PDE4B: variants seen among roughly 807,000 people sequenced by gnomAD.
The protein encoded by PDE4B is phosphodiesterase 4B, also known as 3',5'-cyclic-AMP phosphodiesterase 4B.
A neutral mutation model predicts 82.2 loss-of-function variants in PDE4B; 20 were observed. The ratio of observed to expected loss-of-function variants is 0.24; its 90% CI spans 0.17 to 0.35. The LOEUF is 0.35. PDE4B is among the 10% of genes least tolerant of loss of function. The pLI is 1.00. For missense variants in PDE4B, 655 were observed against 907.2 expected (o/e 0.72, Z 3.57); for synonymous variants, 320 against 318.9 (o/e 1.00, Z -0.04).
intron 3 of PDE4B, among the ~76,000 whole-genome samples, chr1:66,044,744 T>C (rs900967099): frequency 2.1e-4 from 32 of 151,734 alleles, no homozygotes; most frequent in African/African-American, 7.7e-4. Context: ...AGAAAAAGAA[T>C]TTATTTTTAG....
intron 6 of PDE4B, among the ~76,000 whole-genome samples, chr1:66,262,531 A>G (rs1485157459): frequency 6.6e-6 from 1 of 152,224 alleles, no homozygotes; most frequent in Non-Finnish European, 1.5e-5. Flanking sequence ...TTATATCACC[A>G]TCTTCAGCAA....
At chr1:66,108,474 C>T (rs1645417661) in intron 3 of PDE4B, among the ~76,000 whole-genome samples, 1 of 151,994 alleles carries the variant, frequency 6.6e-6, no homozygotes, top group African/African-American at 2.4e-5. Context: ...AAAGCTTCTG[C>T]ACAGCAAAGG....
chr1:65,923,198 G>A (rs955521615), intron 3 of PDE4B, among the ~76,000 whole-genome samples: 3 of 152,202 alleles, frequency 2.0e-5, no homozygotes, highest in African/African-American at 7.2e-5. Context: ...AAAGGCTGTA[G>A]TTTCTTCAGG....
intron 7 of PDE4B, among the ~76,000 whole-genome samples, chr1:66,285,651 C>G (rs1656624416): frequency 6.6e-6 from 1 of 152,080 alleles, no homozygotes; most frequent in South Asian, 2.1e-4. Flanking sequence ...CAGTTCCACT[C>G]ATGTTGCTGT....
At chr1:66,138,735 A>G (rs994938688) in intron 3 of PDE4B, among the ~76,000 whole-genome samples, 4 of 152,212 alleles carry the variant, frequency 2.6e-5, no homozygotes, top group Non-Finnish European at 4.4e-5. Context: ...CTTATCATTT[A>G]TGTGCACATA....
chr1:66,300,735 C>T (rs1657829523), intron 7 of PDE4B, among the ~76,000 whole-genome samples: 1 of 152,120 alleles, frequency 6.6e-6, no homozygotes, highest in Non-Finnish European at 1.5e-5. Context: ...TTTGATTTCC[C>T]AGAGGGTCTG....
At chr1:66,326,311 T>C (rs935534724) in intron 7 of PDE4B, among the ~76,000 whole-genome samples, 5 of 152,186 alleles carry the variant, frequency 3.3e-5, no homozygotes, top group African/African-American at 4.8e-5. Flanking sequence ...AACATACCTA[T>C]GTAACCAGTT....
intron 3 of PDE4B, among the ~76,000 whole-genome samples, chr1:66,223,350 A>G (rs906925338): frequency 6.6e-6 from 1 of 152,150 alleles, no homozygotes; most frequent in African/African-American, 2.4e-5. Flanking sequence ...GACCTTAAGG[A>G]AAAGGCTGTA....
intron 1 of PDE4B, among the ~76,000 whole-genome samples, chr1:65,910,152 T>C (rs764425090): frequency 1.3e-5 from 2 of 152,326 alleles, no homozygotes; most frequent in Non-Finnish European, 1.5e-5. Flanking sequence ...TTTTATGACA[T>C]AATTGAAATC....
chr1:66,014,162 G>A (rs1250859606), intron 3 of PDE4B, among the ~76,000 whole-genome samples: 3 of 152,068 alleles, frequency 2.0e-5, no homozygotes, highest in Non-Finnish European at 2.9e-5. Context: ...TTGTTGAGTT[G>A]TAGGAATTCT....
At chr1:65,808,179 TTTTTTTTTTTG>T (rs1645778310) in intron 1 of PDE4B, among the ~76,000 whole-genome samples, 1 of 151,272 alleles carries the variant, frequency 6.6e-6, no homozygotes, top group South Asian at 2.1e-4. Context: ...CTTTTTTTTT[TTTTTTTTTTTG>T]AAGCAGACTC....
intron 3 of PDE4B, among the ~76,000 whole-genome samples, chr1:66,130,673 G>T (rs967556109): frequency 6.6e-6 from 1 of 152,234 alleles, no homozygotes; most frequent in East Asian, 1.9e-4. Context: ...ACTGATTTAT[G>T]TAGGCTATAC....
At chr1:65,801,725 G>C (rs1356843762) in intron 1 of PDE4B, among the ~76,000 whole-genome samples, 1 of 152,154 alleles carries the variant, frequency 6.6e-6, no homozygotes, top group Non-Finnish European at 1.5e-5. Flanking sequence ...TCTTCGGTAA[G>C]ATAGGGATAC....
At chr1:66,087,688 A>G (rs1657078978) in intron 3 of PDE4B, among the ~76,000 whole-genome samples, 1 of 152,048 alleles carries the variant, frequency 6.6e-6, no homozygotes, top group African/African-American at 2.4e-5. Flanking sequence ...CTATGCAGCT[A>G]TAAAAAATGA....
At chr1:65,815,021 T>TTTTATTTA (rs138553972) in intron 1 of PDE4B, among the ~76,000 whole-genome samples, 55 of 145,186 alleles carry the variant, frequency 3.8e-4, no homozygotes, top group East Asian at 9.9e-4. Flanking sequence ...TCAACACACA[T>TTTTATTTA]TTTATTTATT....
intron 3 of PDE4B, among the ~76,000 whole-genome samples, chr1:66,229,677 T>C (rs1651789929): frequency 6.6e-6 from 1 of 152,180 alleles, no homozygotes; most frequent in South Asian, 2.1e-4. Context: ...AATGATAGAA[T>C]CTCGGGCCTT....
At chr1:66,258,970 C>T (rs754429790) in intron 6 of PDE4B, among the ~76,000 whole-genome samples, 14 of 152,134 alleles carry the variant, frequency 9.2e-5, no homozygotes, top group Non-Finnish European at 1.9e-4. Flanking sequence ...CACCCTCCAG[C>T]TTGAGGCATT....
At chr1:66,090,004 G>A (rs757391208) in intron 3 of PDE4B, among the ~76,000 whole-genome samples, 8 of 152,000 alleles carry the variant, frequency 5.3e-5, no homozygotes, top group Non-Finnish European at 1.0e-4. Flanking sequence ...CTTGATCTAT[G>A]TAGATGACAA....
chr1:65,905,217 G>A (rs1464149210), intron 1 of PDE4B, among the ~76,000 whole-genome samples: 1 of 152,134 alleles, frequency 6.6e-6, no homozygotes, highest in Non-Finnish European at 1.5e-5. Context: ...GAAAAATAAT[G>A]TGATAATACC....
Sources: gnomAD v4.1 joint callset for allele counts (sites outside exome capture counted in the v4.1 genomes callset) on GRCh38, gnomAD v4.1.1 for gene constraint, MANE v1.5 for transcripts, NCBI Gene and HGNC (gene_info 2026-07-23, HGNC 2026-07-21) for gene names.